The following RASGRP1 variants were observed in gnomAD, a reference collection of about 807,000 sequenced individuals.
RASGRP1 encodes the protein RAS guanyl-releasing protein 1.
A neutral mutation model predicts 95.1 loss-of-function variants in RASGRP1; 37 were observed. The ratio of observed to expected loss-of-function variants is 0.39; its 90% CI spans 0.30 to 0.51. The LOEUF is 0.51. Among genes scored for constraint, RASGRP1 ranks in the 20% least tolerant of loss-of-function variants. RASGRP1 has a pLI of 0.80. For synonymous variants in RASGRP1, 325 were observed against 353.4 expected, an observed-to-expected ratio of 0.92 and a Z score of 0.90; for missense variants, 711 against 965.4, an observed-to-expected ratio of 0.74 and a Z score of 3.49.
intron 12 of RASGRP1, 40 bp from the exon 13 acceptor site, chr15:38,501,327 G>T: frequency 6.2e-7 from 1 of 1,607,500 alleles, no homozygotes; most frequent in Admixed American, 1.7e-5. Flanking sequence ...GAGTATAAGG[G>T]GCATGGAGGC....
chr15:38,501,336 G>A (rs1322131242), intron 12 of RASGRP1, 49 bp from the exon 13 acceptor site: 1 of 1,599,518 alleles, frequency 6.3e-7, no homozygotes, highest in East Asian at 2.2e-5. Context: ...GGGCATGGAG[G>A]CAGGTAGCAA....
intron 15 of RASGRP1, 107 bp from the exon 16 acceptor site, chr15:38,494,874 T>C (rs1043955569): frequency 1.9e-6 from 2 of 1,076,724 alleles, no homozygotes; most frequent in Non-Finnish European, 2.4e-6. Context: ...TGGAGTTCCA[T>C]ATGTTCAAAG....
chr15:38,544,496 A>G (rs1893030713), intron 2 of RASGRP1, among the ~76,000 whole-genome samples: 1 of 152,172 alleles, frequency 6.6e-6, no homozygotes, highest in South Asian at 2.1e-4. Flanking sequence ...CGAGGGGTTC[A>G]CCCTCATGAA....
intron 3 of RASGRP1, among the ~76,000 whole-genome samples, chr15:38,522,128 C>A (rs1342101323): frequency 2.6e-5 from 4 of 152,154 alleles, no homozygotes; most frequent in Non-Finnish European, 4.4e-5. Flanking sequence ...GTTCTAGATA[C>A]AAAGATAAAT....
intron 6 of RASGRP1, among the ~76,000 whole-genome samples, chr15:38,513,740 A>G (rs1210980541): frequency 6.6e-6 from 1 of 152,234 alleles, no homozygotes; most frequent in Non-Finnish European, 1.5e-5. Context: ...GTCACAAAGA[A>G]TCCCTCTGCT....
At chr15:38,500,231 T>C (rs184883769) in intron 13 of RASGRP1, 92 bp from the exon 14 acceptor site, 1 of 1,329,242 alleles carries the variant, frequency 7.5e-7, no homozygotes, top group African/African-American at 1.4e-5. Context: ...TTCATTTTAC[T>C]CTCTAGCTCA....
At chr15:38,500,961 G>T (rs1378931975) in intron 13 of RASGRP1, among the ~76,000 whole-genome samples, 182 bp downstream of exon 13, 5 of 152,146 alleles carry the variant, frequency 3.3e-5, no homozygotes, top group Non-Finnish European at 7.3e-5. Context: ...AGAAAAAACA[G>T]GAAGAAGCGA....
chr15:38,510,658 A>G (rs894823023), intron 8 of RASGRP1, among the ~76,000 whole-genome samples: 2 of 152,182 alleles, frequency 1.3e-5, no homozygotes, highest in Non-Finnish European at 2.9e-5. Context: ...ACAGTGGTTT[A>G]TATTTATAAC....
In RASGRP1 at chr15:38,490,533, T is replaced by C. The variant is rs1890533790; in HGVS notation, c.*21A>G. On this transcript the variant is annotated 3_prime_UTR_variant, in exon 17 of 17. Transcript: ENST00000310803. ...TGAGATCACTATACTCATCTACAGA[T>C]TGTGCTACTTAGTTTCTGGGCTAAG... 6.2e-7 allele frequency: 1 copy of C among 1,609,390 alleles called. No homozygotes were observed. The highest frequency in any genetic ancestry group is 8.5e-7 in the Non-Finnish European group (1 of 1,177,768).
intron 2 of RASGRP1, among the ~76,000 whole-genome samples, chr15:38,543,645 T>C (rs1892991229): frequency 6.9e-6 from 1 of 144,272 alleles, no homozygotes; most frequent in African/African-American, 2.8e-5. Flanking sequence ...TTTTTCTTTT[T>C]TTCTTTTTTT....
rs1892194579 is a variant in RASGRP1, at chr15:38,525,749, C to A, written c.326+550G>T. 2.0e-5 allele frequency among the ~76,000 whole-genome samples: 3 copies of A among 152,132 alleles called. No homozygotes were observed. The South Asian group carries it at 6.2e-4, about 32-fold the overall frequency. On this transcript the variant is annotated intron_variant, in intron 3 of 16. Coordinates refer to ENST00000310803, the MANE Select transcript of RASGRP1 (RefSeq NM_005739.4). ...TTACAGTGTCATCAGTGAGAAAAAGCAAGCAGGAGCTTTCTCCTCCCTACT... is the reference window on the plus strand; with the variant it reads ...TTACAGTGTCATCAGTGAGAAAAAGAAAGCAGGAGCTTTCTCCTCCCTACT...
At chr15:38,509,136 T>G (rs1019357718) in intron 8 of RASGRP1, among the ~76,000 whole-genome samples, 8 of 152,058 alleles carry the variant, frequency 5.3e-5, no homozygotes, top group African/African-American at 1.9e-4. Context: ...TCCTTCTTAC[T>G]TAGATCTTAG....
At chr15:38,526,239 T>A in intron 3 of RASGRP1, 60 bp downstream of exon 3, 1 of 1,337,100 alleles carries the variant, frequency 7.5e-7, no homozygotes, top group East Asian at 2.3e-5. Flanking sequence ...ACTTCAAATT[T>A]CAAGCTACTT....
At chr15:38,524,977 T>A (rs1456911049) in intron 3 of RASGRP1, among the ~76,000 whole-genome samples, 5 of 151,396 alleles carry the variant, frequency 3.3e-5, no homozygotes, top group Non-Finnish European at 5.9e-5. Context: ...TTTCTTTTTT[T>A]TTTTTTTTGA....
intron 2 of RASGRP1, among the ~76,000 whole-genome samples, chr15:38,556,441 T>C (rs998933220): frequency 1.3e-5 from 2 of 152,230 alleles, no homozygotes; most frequent in African/African-American, 4.8e-5. Context: ...GCTAAAGAGA[T>C]AGCCATCAGT....
chr15:38,537,820 C>T (rs1892715998), intron 2 of RASGRP1, among the ~76,000 whole-genome samples: 2 of 152,196 alleles, frequency 1.3e-5, no homozygotes, highest in South Asian at 4.1e-4. Context: ...CGCCAGAACC[C>T]TCAAGAGTTT....
chr15:38,555,574 A>G (rs1893522689), intron 2 of RASGRP1, among the ~76,000 whole-genome samples: 1 of 152,184 alleles, frequency 6.6e-6, no homozygotes, highest in Non-Finnish European at 1.5e-5. Flanking sequence ...GGAGAACAGG[A>G]GCAGCATATC....
At chr15:38,552,070 T>C (rs911160955) in intron 2 of RASGRP1, among the ~76,000 whole-genome samples, 3 of 152,208 alleles carry the variant, frequency 2.0e-5, no homozygotes, top group Admixed American at 2.0e-4. Flanking sequence ...TCTTAAGAGA[T>C]ATTTTAGAGG....
Position 38,489,736 on chromosome 15 carries a change from T to TG in RASGRP1, c.*817_*818insC, listed in dbSNP as rs999989286. The TG allele has an allele frequency of 1.3e-4, 20 of 152,120 alleles. No individual in the cohort carries two copies. Among genetic ancestry groups the TG allele is most frequent in the South Asian group, 6.2e-4 (3 of 4,816 alleles). The allele number at this position is 152,120 out of a possible 1,614,324, so 9.4% of individuals were successfully genotyped here. A position where few individuals can be genotyped will look rare whatever the true frequency, so the allele number is the denominator to read the frequency against. On this transcript the variant is annotated 3_prime_UTR_variant, in exon 17 of 17. Transcript: ENST00000310803. Reference sequence around the variant, plus strand: ...AAACAGACTCTTCATAGACTTTTTTTTTTAAGCCATCAATTCCTAATTCTA... The same window carrying TG: ...AAACAGACTCTTCATAGACTTTTTTTGTTTAAGCCATCAATTCCTAATTCTA...
Sources: allele counts gnomAD v4.1 joint callset (sites outside exome capture counted in the v4.1 genomes callset), GRCh38; gene constraint gnomAD v4.1.1; transcripts MANE v1.5; gene names NCBI Gene and HGNC (gene_info 2026-07-23, HGNC 2026-07-21).